Variants in RAB27B observed in about 807,000 individuals in gnomAD.
RAB27B encodes the protein RAB27B, member RAS oncogene family, also known as ras-related protein Rab-27B.
Under a neutral mutation model 24.6 loss-of-function variants are expected in RAB27B, and 15 were observed. That is an observed-to-expected ratio of 0.61 (90% CI 0.41 to 0.94). RAB27B has a LOEUF of 0.94. RAB27B is among the 40% of genes least tolerant of loss of function. The pLI is 0.00. For missense variants in RAB27B, 261 were observed against 266.8 expected (o/e 0.98, Z 0.15); for synonymous variants, 105 against 92.5 (o/e 1.14, Z -0.78).
chr18:54,776,137 A>T (rs532862277), intron 2 of RAB27B, among the ~76,000 whole-genome samples: 1 of 152,250 alleles, frequency 6.6e-6, no homozygotes, highest in South Asian at 2.1e-4. Context: ...AGAAAATGTC[A>T]TAGAAAGTAG....
intron 1 of RAB27B, among the ~76,000 whole-genome samples, chr18:54,865,370 G>T (rs1408446356): frequency 6.6e-6 from 1 of 150,676 alleles, no homozygotes; most frequent in African/African-American, 2.5e-5. Context: ...AATTGCCAAG[G>T]TATACCTGTC....
rs1277913322 is a variant in RAB27B at position 54,786,781 on chromosome 18, T to C, written c.-20+68640T>C. 3.3e-5 allele frequency among the ~76,000 whole-genome samples: 5 copies of C among 152,360 alleles called. No homozygotes were observed. The East Asian group carries it at 9.6e-4, about 29-fold the overall frequency. On this transcript the variant is annotated intron_variant, in intron 2 of 4. Transcript: ENST00000586570. ...AACATATTTATCTGGAAATGGACTA[T>C]CTGAAGTTTATCAACTGCAACTGAA...
chr18:54,867,442 C>CTTTTCTTTTTTTTTTTT (rs1555666326), intron 1 of RAB27B, among the ~76,000 whole-genome samples: 14 of 98,754 alleles, frequency 1.4e-4, no homozygotes, highest in East Asian at 2.9e-4. Context: ...CTTTTCTTTT[C>CTTTTCTTTTTTTTTTTT]TTTTTTTTTT....
At chr18:54,838,991 T>C (rs1400406891) in intron 1 of RAB27B, among the ~76,000 whole-genome samples, 1 of 152,150 alleles carries the variant, frequency 6.6e-6, no homozygotes, top group East Asian at 1.9e-4. Context: ...AAAGAGTATA[T>C]GGACTTATAT....
chr18:54,875,077 C>G (rs1912639647), intron 1 of RAB27B, among the ~76,000 whole-genome samples: 1 of 152,118 alleles, frequency 6.6e-6, no homozygotes, highest in African/African-American at 2.4e-5. Context: ...AATCCCAGCA[C>G]TTTCGGAAGC....
intron 1 of RAB27B, among the ~76,000 whole-genome samples, chr18:54,830,230 A>C (rs1453625708): frequency 6.6e-6 from 1 of 152,170 alleles, no homozygotes; most frequent in Non-Finnish European, 1.5e-5. Flanking sequence ...TTTACACTAC[A>C]ACTGTATGTT....
At chr18:54,822,415 T>G (rs1367320687) in intron 2 of RAB27B, among the ~76,000 whole-genome samples, 1 of 152,216 alleles carries the variant, frequency 6.6e-6, no homozygotes, top group Non-Finnish European at 1.5e-5. Flanking sequence ...AACACTGGTT[T>G]TAGGTAACAG....
intron 2 of RAB27B, among the ~76,000 whole-genome samples, chr18:54,755,651 TCAGA>T (rs1907981355): frequency 6.6e-6 from 1 of 152,212 alleles, no homozygotes; most frequent in African/African-American, 2.4e-5. Flanking sequence ...ATGGTCTGCA[TCAGA>T]TCACTACTTT....
At chr18:54,736,691 G>A (rs1219377804) in intron 2 of RAB27B, among the ~76,000 whole-genome samples, 2 of 152,094 alleles carry the variant, frequency 1.3e-5, no homozygotes, top group African/African-American at 2.4e-5. Flanking sequence ...GTGATATTTC[G>A]ATAAGACCAG....
At chr18:54,864,297 G>A (rs886853919) in intron 1 of RAB27B, among the ~76,000 whole-genome samples, 12 of 152,038 alleles carry the variant, frequency 7.9e-5, no homozygotes, top group Non-Finnish European at 1.5e-4. Context: ...TTTATATGTA[G>A]TCTTTGAGAA....
chr18:54,849,183 C>T (rs954584103), intron 1 of RAB27B, among the ~76,000 whole-genome samples: 1 of 152,188 alleles, frequency 6.6e-6, no homozygotes, highest in African/African-American at 2.4e-5. Flanking sequence ...AGCCTTGGTA[C>T]ACTCGGGCTA....
chr18:54,800,275 C>A (rs1292241202), intron 2 of RAB27B, among the ~76,000 whole-genome samples: 2 of 152,280 alleles, frequency 1.3e-5, no homozygotes, highest in East Asian at 1.9e-4. Context: ...AACCATGTTA[C>A]AATGAAGAGA....
At chr18:54,809,620 T>C (rs1325414435) in intron 2 of RAB27B, among the ~76,000 whole-genome samples, 1 of 152,226 alleles carries the variant, frequency 6.6e-6, no homozygotes, top group Non-Finnish European at 1.5e-5. Context: ...TTTTAGCTAA[T>C]GCATAAGTCA....
chr18:54,791,615 A>G (rs1252730104), intron 2 of RAB27B, among the ~76,000 whole-genome samples: 1 of 152,162 alleles, frequency 6.6e-6, no homozygotes, highest in Non-Finnish European at 1.5e-5. Flanking sequence ...TTCCACCTCC[A>G]CGGACCTAGG....
chr18:54,839,440 A>T (rs1911022833), intron 1 of RAB27B, among the ~76,000 whole-genome samples: 1 of 152,204 alleles, frequency 6.6e-6, no homozygotes, highest in Admixed American at 6.5e-5. Flanking sequence ...AGTAACAAAC[A>T]TTCTCCCATT....
chr18:54,834,681 A>ATATG (rs5825093), intron 1 of RAB27B, among the ~76,000 whole-genome samples: 63,723 of 149,938 alleles, frequency 0.42, 14,583 homozygotes, highest in East Asian at 0.53. Flanking sequence ...GTGTATATAT[A>ATATG]TGTGTGTGTG....
rs184676176 is a variant in RAB27B, at chr18:54,818,103, A to T, written c.-19-59464A>T. 4.9e-4 allele frequency among the ~76,000 whole-genome samples: 75 copies of T among 152,286 alleles called. 1 individual carries two copies. The highest frequency in any genetic ancestry group is 1.5e-3 in the African/African-American group (64 of 41,580). On this transcript the variant is annotated intron_variant, in intron 2 of 4. Coordinates refer to the RAB27B transcript ENST00000586570. ...GATAGCTTAGAGTCAATTTTCTATT[A>T]TTCTGGAAATGTTCCTGTTCTCCAA...
At position 54,891,929 on chromosome 18, in the gene RAB27B, A is replaced by T. The variant is rs1471113685; in HGVS notation, c.*2516A>T. ...TATAAATAAATGCTTGATATAAAAA[A>T]TTTTCTCCATAAAGTTTGACATCTG... On this transcript the variant is annotated 3_prime_UTR_variant, in exon 6 of 6. Coordinates refer to ENST00000262094, the MANE Select transcript of RAB27B (RefSeq NM_004163.4). 6.6e-6 allele frequency: 1 copy of T among 152,064 alleles called. No homozygotes were observed. Among genetic ancestry groups the T allele is most frequent in the African/African-American group, 2.4e-5 (1 of 41,432 alleles). The allele number at this position is 152,064 out of a possible 1,614,324, so 9.4% of individuals were successfully genotyped here. A position where few individuals can be genotyped will look rare whatever the true frequency, so the allele number is the denominator to read the frequency against.
chr18:54,762,646 C>T (rs907376225), intron 2 of RAB27B, among the ~76,000 whole-genome samples: 3 of 152,122 alleles, frequency 2.0e-5, no homozygotes, highest in East Asian at 1.9e-4. Flanking sequence ...TTCTCAGTAA[C>T]GTCTTTAACA....
Sources: gnomAD v4.1 joint callset for allele counts (sites outside exome capture counted in the v4.1 genomes callset) on GRCh38, gnomAD v4.1.1 for gene constraint, MANE v1.5 for transcripts, NCBI Gene and HGNC (gene_info 2026-07-23, HGNC 2026-07-21) for gene names.